Variants in CAST observed in about 807,000 individuals in gnomAD.
CAST encodes calpastatin.
Under a neutral mutation model 119.6 loss-of-function variants are expected in CAST, and 76 were observed. That is an observed-to-expected ratio of 0.64 (90% CI 0.53 to 0.77). CAST has a LOEUF of 0.77. CAST is among the 30% of genes least tolerant of loss of function. The probability of loss-of-function intolerance (pLI) is 0.00; values close to 1 mark genes in which losing one functional copy is unlikely to be tolerated. For missense variants in CAST, 953 were observed against 946.5 expected, an observed-to-expected ratio of 1.01 and a Z score of -0.09; for synonymous variants, 319 against 331.6, an observed-to-expected ratio of 0.96 and a Z score of 0.41.
At chr5:95,988,742 C>T in the CAST span, among the ~76,000 whole-genome samples, 1 of 152,110 alleles carries the variant, frequency 6.6e-6, no homozygotes, top group Non-Finnish European at 1.5e-5. Flanking sequence ...AACCACACCT[C>T]ATAAGGTTAT....
chr5:96,146,495 C>T, the CAST span, among the ~76,000 whole-genome samples: 98 of 152,360 alleles, frequency 6.4e-4, no homozygotes, highest in African/African-American at 2.2e-3. Flanking sequence ...TCAGGTGATG[C>T]TGATGCTATT....
At chr5:96,353,953 G>A in the CAST span, among the ~76,000 whole-genome samples, 8 of 152,174 alleles carry the variant, frequency 5.3e-5, no homozygotes, top group South Asian at 1.0e-3. Flanking sequence ...ACTAATACCT[G>A]CTTTTCATAT....
chr5:96,271,664 A>C, the CAST span, among the ~76,000 whole-genome samples: 2 of 152,082 alleles, frequency 1.3e-5, no homozygotes, highest in African/African-American at 4.8e-5. Flanking sequence ...AAAAAAAAAA[A>C]AAACATTGAA....
At chr5:96,757,413 T>C in intron 22 of CAST, 31 bp from the exon 23 acceptor site, 1 of 1,602,086 alleles carries the variant, frequency 6.2e-7, no homozygotes, top group South Asian at 1.1e-5. Flanking sequence ...TGTAAAATGA[T>C]TTCATGCCAT....
chr5:96,693,749 A>T (rs1752984076), intron 2 of CAST, among the ~76,000 whole-genome samples: 1 of 152,252 alleles, frequency 6.6e-6, no homozygotes, highest in Non-Finnish European at 1.5e-5. Flanking sequence ...GTGATAATTT[A>T]AAAAAGACTA....
chr5:96,513,739 G>A, the CAST span, among the ~76,000 whole-genome samples: 1 of 151,954 alleles, frequency 6.6e-6, no homozygotes, highest in African/African-American at 2.4e-5. Flanking sequence ...TGATTTTTTT[G>A]AAAAATCTTA....
the CAST span, among the ~76,000 whole-genome samples, chr5:96,412,750 A>ATTTTTTTTTTTTTTT: frequency 6.3e-5 from 4 of 63,410 alleles, no homozygotes; most frequent in African/African-American, 3.2e-4. Context: ...GGCAGCTGTG[A>ATTTTTTTTTTTTTTT]TGTTTTTTTT....
At chr5:96,300,373 A>G in the CAST span, among the ~76,000 whole-genome samples, 2 of 152,140 alleles carry the variant, frequency 1.3e-5, no homozygotes, top group African/African-American at 2.4e-5. Flanking sequence ...TTCTCATTGA[A>G]TATCCTTATC....
the CAST span, among the ~76,000 whole-genome samples, chr5:96,453,635 C>T: frequency 6.6e-6 from 1 of 152,198 alleles, no homozygotes; most frequent in Non-Finnish European, 1.5e-5. Context: ...TGCTGTGCTC[C>T]TCTCAGTGGC....
chr5:96,082,539 A>G, the CAST span, among the ~76,000 whole-genome samples: 1 of 152,226 alleles, frequency 6.6e-6, no homozygotes, highest in South Asian at 2.1e-4. Context: ...ACTATGGAAT[A>G]AGAAGGAAAA....
chr5:96,356,736 C>T, the CAST span, among the ~76,000 whole-genome samples: 9 of 152,212 alleles, frequency 5.9e-5, no homozygotes, highest in Non-Finnish European at 1.2e-4. Context: ...TTACTGTAGC[C>T]TTGTAGTATA....
At chr5:96,024,777 T>C in the CAST span, among the ~76,000 whole-genome samples, 1 of 152,144 alleles carries the variant, frequency 6.6e-6, no homozygotes, top group African/African-American at 2.4e-5. Context: ...CTTCTTTTCA[T>C]ATGAAAAGAA....
the CAST span, among the ~76,000 whole-genome samples, chr5:96,046,604 G>T: frequency 6.6e-6 from 1 of 152,196 alleles, no homozygotes; most frequent in Non-Finnish European, 1.5e-5. Flanking sequence ...TGTCTACAAT[G>T]GATGGCACTG....
the CAST span, among the ~76,000 whole-genome samples, chr5:96,388,238 T>C: frequency 2.0e-5 from 3 of 152,250 alleles, no homozygotes; most frequent in Admixed American, 6.5e-5. Flanking sequence ...GGTACATTAA[T>C]GATAGAGTAA....
chr5:96,666,708 T>G (rs1749383275), intron 1 of CAST, among the ~76,000 whole-genome samples: 1 of 152,258 alleles, frequency 6.6e-6, no homozygotes, highest in African/African-American at 2.4e-5. Context: ...TATAAGCCTT[T>G]TAAACCAAGA....
chr5:96,066,300 T>C, the CAST span, among the ~76,000 whole-genome samples: 1 of 152,164 alleles, frequency 6.6e-6, no homozygotes, highest in Non-Finnish European at 1.5e-5. Flanking sequence ...TGATCTCTTA[T>C]CTCTTATGAT....
chr5:96,613,333 TAAGTA>T (rs1156443049), intron 1 of CAST, among the ~76,000 whole-genome samples: 5 of 152,240 alleles, frequency 3.3e-5, no homozygotes, highest in Admixed American at 2.6e-4. Context: ...TCCTTTCATT[TAAGTA>T]TTCTCGAAGG....
At chr5:96,379,018 G>A in the CAST span, among the ~76,000 whole-genome samples, 2 of 152,070 alleles carry the variant, frequency 1.3e-5, no homozygotes, top group African/African-American at 2.4e-5. Context: ...TCACAGATGT[G>A]CCATAATTGA....
intron 19 of CAST, among the ~76,000 whole-genome samples, chr5:96,750,086 T>C (rs1230027593): frequency 6.6e-6 from 1 of 152,158 alleles, no homozygotes; most frequent in Non-Finnish European, 1.5e-5. Flanking sequence ...TACCTTCCAT[T>C]CCTACATAGC....
Sources: gnomAD v4.1 joint callset for allele counts (sites outside exome capture counted in the v4.1 genomes callset) on GRCh38, gnomAD v4.1.1 for gene constraint, MANE v1.5 for transcripts, NCBI Gene and HGNC (gene_info 2026-07-23, HGNC 2026-07-21) for gene names.